The following SLC8A3 variants were observed in gnomAD, a reference collection of about 807,000 sequenced individuals.
SLC8A3 encodes the protein solute carrier family 8 member A3.
A neutral mutation model predicts 65.4 loss-of-function variants in SLC8A3; 37 were observed. That is an observed-to-expected ratio of 0.57 (90% CI 0.44 to 0.74). The LOEUF is 0.74. SLC8A3 is among the 30% of genes least tolerant of loss of function. The probability of loss-of-function intolerance (pLI) is 0.00; values close to 1 mark genes in which losing one functional copy is unlikely to be tolerated. For missense variants in SLC8A3, 1,112 were observed against 1,172.1 expected (o/e 0.95, Z 0.75); for synonymous variants, 461 against 444.5 (o/e 1.04, Z -0.47).
chr14:70,057,422 A>T (rs1357030065), intron 3 of SLC8A3, among the ~76,000 whole-genome samples: 2 of 152,186 alleles, frequency 1.3e-5, no homozygotes, highest in African/African-American at 4.8e-5. Flanking sequence ...AGATCCCAGC[A>T]CATAAATGAA....
chr14:70,161,400 G>A (rs1228860803), intron 2 of SLC8A3, among the ~76,000 whole-genome samples: 2 of 148,944 alleles, frequency 1.3e-5, no homozygotes, highest in Non-Finnish European at 3.0e-5. Flanking sequence ...ATGCCTCACT[G>A]TACTGCTAAG....
intron 2 of SLC8A3, among the ~76,000 whole-genome samples, chr14:70,069,976 A>G (rs1889861637): frequency 6.6e-6 from 1 of 152,184 alleles, no homozygotes; most frequent in South Asian, 2.1e-4. Flanking sequence ...CCCCTGGAGA[A>G]GTCGCTCTGA....
intron 2 of SLC8A3, among the ~76,000 whole-genome samples, chr14:70,125,430 G>A (rs1057032314): frequency 6.6e-6 from 1 of 151,348 alleles, no homozygotes; most frequent in Non-Finnish European, 1.5e-5. Flanking sequence ...TGTGGAATTT[G>A]CCTTTCTGTT....
At chr14:70,173,770 C>T (rs1188182395) in intron 1 of SLC8A3, among the ~76,000 whole-genome samples, 2 of 152,188 alleles carry the variant, frequency 1.3e-5, no homozygotes, top group East Asian at 1.9e-4. Context: ...TTCTCCTGCA[C>T]TTCCTCTGCC....
intron 1 of SLC8A3, among the ~76,000 whole-genome samples, chr14:70,182,894 C>A (rs1264546104): frequency 1.3e-5 from 2 of 152,050 alleles, no homozygotes; most frequent in Non-Finnish European, 2.9e-5. Context: ...AGGGTGAGCT[C>A]CTGGGCACTG....
intron 2 of SLC8A3, among the ~76,000 whole-genome samples, chr14:70,138,744 C>A (rs12147634): frequency 2.4e-4 from 37 of 152,208 alleles, no homozygotes; most frequent in African/African-American, 8.9e-4. Context: ...ATTTGTGGAA[C>A]GAGTGTGTCT....
chr14:70,167,012 C>T lies in SLC8A3; in HGVS notation c.1411G>A (p.Asp471Asn). 6.2e-7 allele frequency: 1 copy of T among 1,614,074 alleles called. No individual in the cohort carries two copies. Among genetic ancestry groups the T allele is most frequent in the Non-Finnish European group, 8.5e-7 (1 of 1,180,036 alleles). ...TGTTCATCCTCCTCAAAAATGTCGT[C>T]ATCAATTATGCCCACGGAGAACTCC... The part of the protein sequence containing the change: ...QKEFSVGIID[D>N]DIFEEDEHFF... The change falls in exon 2 of 7, where the codon GAC becomes AAC. Residue 471 changes from aspartate to asparagine, a missense_variant. Asp to Asn is a conservative substitution (Grantham distance 23). Transcript: ENST00000356921.
At chr14:70,112,494 T>C (rs545058635) in intron 2 of SLC8A3, among the ~76,000 whole-genome samples, 1 of 152,094 alleles carries the variant, frequency 6.6e-6, no homozygotes, top group African/African-American at 2.4e-5. Flanking sequence ...AATTCACAGG[T>C]TTCACAGCTT....
chr14:70,144,314 T>TTTG (rs1895764681), intron 2 of SLC8A3, among the ~76,000 whole-genome samples: 10 of 135,254 alleles, frequency 7.4e-5, no homozygotes, highest in Admixed American at 6.5e-4. Context: ...TCCTGTTTTT[T>TTTG]TTTTTTTTTT....
chr14:70,086,083 C>T (rs1385371125), intron 2 of SLC8A3, among the ~76,000 whole-genome samples: 1 of 152,138 alleles, frequency 6.6e-6, no homozygotes, highest in Admixed American at 6.5e-5. Flanking sequence ...TCATCACCTC[C>T]GAGTCTCTCT....
chr14:70,165,154 T>C (rs1897099186), intron 2 of SLC8A3, among the ~76,000 whole-genome samples: 1 of 152,176 alleles, frequency 6.6e-6, no homozygotes, highest in Non-Finnish European at 1.5e-5. Flanking sequence ...GCAAGGAAAG[T>C]ATTGTTATTC....
intron 2 of SLC8A3, among the ~76,000 whole-genome samples, chr14:70,127,463 A>T (rs1650742392): frequency 6.6e-6 from 1 of 152,080 alleles, no homozygotes; most frequent in African/African-American, 2.4e-5. Flanking sequence ...TTAGCTCTCC[A>T]TTCTAATTGT....
At chr14:70,072,738 C>T (rs1890126591) in intron 2 of SLC8A3, among the ~76,000 whole-genome samples, 2 of 152,178 alleles carry the variant, frequency 1.3e-5, no homozygotes, top group Non-Finnish European at 2.9e-5. Context: ...ACCTTTGCCT[C>T]CCAGGCTCAA....
At chr14:70,089,611 G>A (rs1594965746) in intron 2 of SLC8A3, among the ~76,000 whole-genome samples, 1 of 152,214 alleles carries the variant, frequency 6.6e-6, no homozygotes, top group Non-Finnish European at 1.5e-5. Context: ...GACTAGATAT[G>A]AGGGAACAGA....
At chr14:70,110,682 T>TC (rs1893235310) in intron 2 of SLC8A3, among the ~76,000 whole-genome samples, 1 of 132,284 alleles carries the variant, frequency 7.6e-6, no homozygotes, top group South Asian at 2.3e-4. Flanking sequence ...TCTTTTTTTT[T>TC]TTTTTTTTTT....
chr14:70,080,573 G>T (rs1890967698), intron 2 of SLC8A3, among the ~76,000 whole-genome samples: 1 of 152,218 alleles, frequency 6.6e-6, no homozygotes, highest in Non-Finnish European at 1.5e-5. Context: ...AGCAAATGGG[G>T]TTGGGTGGAG....
intron 2 of SLC8A3, among the ~76,000 whole-genome samples, chr14:70,107,956 G>A (rs529304824): frequency 1.3e-5 from 2 of 152,108 alleles, no homozygotes; most frequent in Non-Finnish European, 2.9e-5. Flanking sequence ...ATCCGTGCAT[G>A]TGTTTGCCCT....
In SLC8A3 at chr14:70,168,129, G is replaced by A; in HGVS notation, c.294C>T (p.Phe98=). Residue 98 remains phenylalanine (F), a synonymous_variant, in exon 2 of 7, where the codon TTC becomes TTT. Transcript: ENST00000356921. The stretch of plus-strand genomic sequence containing the variant: ...AGGTGATGACTTCAATAGATGCCAT[G>A]AAGCGGTCAGCAATGATGGACACCC... ...FLGVSIIADR[F]MASIEVITSQ... 1.2e-6 allele frequency: 2 copies of A among 1,614,134 alleles called. No homozygotes were observed. The highest frequency in any genetic ancestry group is 1.1e-5 in the South Asian group (1 of 91,082).
At chr14:70,171,958 G>C (rs1897571414) in intron 1 of SLC8A3, among the ~76,000 whole-genome samples, 2 of 152,150 alleles carry the variant, frequency 1.3e-5, no homozygotes, top group South Asian at 2.1e-4. Context: ...GTTAGAGAAA[G>C]CAGGAACATC....
Sources: allele counts gnomAD v4.1 joint callset (sites outside exome capture counted in the v4.1 genomes callset), GRCh38; gene constraint gnomAD v4.1.1; transcripts MANE v1.5; gene names NCBI Gene and HGNC (gene_info 2026-07-23, HGNC 2026-07-21).